Variants in MCFD2 observed in about 807,000 individuals in gnomAD.
MCFD2 encodes multiple coagulation factor deficiency 2, ER cargo receptor complex subunit.
Under a neutral mutation model 12.8 loss-of-function variants are expected in MCFD2, and 11 were observed. That is an observed-to-expected ratio of 0.86 (90% CI 0.54 to 1.42). The LOEUF is 1.42. Among genes scored for constraint, MCFD2 ranks in the 40% most tolerant of loss-of-function variants. The pLI, the probability that MCFD2 is intolerant of heterozygous loss-of-function variation, is 0.00. For synonymous variants in MCFD2, 70 were observed against 68.1 expected, an observed-to-expected ratio of 1.03 and a Z score of -0.14; for missense variants, 191 against 178.6, an observed-to-expected ratio of 1.07 and a Z score of -0.40.
chr2:46,927,884 GTTTTTTTTTT>G (rs566447236), intron 1 of MCFD2, among the ~76,000 whole-genome samples: 2 of 73,306 alleles, frequency 2.7e-5, no homozygotes, highest in South Asian at 4.6e-4. Context: ...TTTTTTTGGT[GTTTTTTTTTT>G]TTTTTTTTTT....
chr2:46,939,323 G>A (rs1022472427), intron 1 of MCFD2, among the ~76,000 whole-genome samples: 1 of 152,104 alleles, frequency 6.6e-6, no homozygotes, highest in East Asian at 1.9e-4. Context: ...GGGAGGCCAA[G>A]GTGGGTTCTT....
In MCFD2 at chr2:46,941,394, C is replaced by T; in HGVS notation, c.-8+178G>A. 3 of 711,162 alleles carry T rather than the reference C, an allele frequency of 4.2e-6. No individual in the cohort carries two copies. Among genetic ancestry groups the T allele is most frequent in the Non-Finnish European group, 5.6e-6 (3 of 536,508 alleles). The allele number at this position is 711,162 out of a possible 1,614,324, so 44.1% of individuals were successfully genotyped here. A position where few individuals can be genotyped will look rare whatever the true frequency, so the allele number is the denominator to read the frequency against. ...GCTGCTGCTGCTGCTGCCCACCCTC[C>T]GCCGCCCGGGCCCCCGCTGCCGCCC... On this transcript the variant is annotated intron_variant, in intron 1 of 2. Transcript: ENST00000409147. The surrounding 1 kb of genome is among the most constrained non-coding windows in gnomAD (Gnocchi z 4.2).
chr2:46,935,219 G>A (rs937196308), intron 1 of MCFD2, among the ~76,000 whole-genome samples: 3 of 152,120 alleles, frequency 2.0e-5, no homozygotes, highest in African/African-American at 7.2e-5. Context: ...TCAGGCGTGT[G>A]TGGAGGAACA....
At chr2:46,927,546 G>A (rs1669454269) in intron 1 of MCFD2, among the ~76,000 whole-genome samples, 1 of 151,790 alleles carries the variant, frequency 6.6e-6, no homozygotes, top group Non-Finnish European at 1.5e-5. Context: ...GTTTTTAGTG[G>A]AGACAGGGTT....
rs564570742 is a variant in MCFD2, at chr2:46,902,812, G to T, written c.*2651C>A. 7.2e-5 allele frequency: 11 copies of T among 152,342 alleles called. No individual in the cohort carries two copies. Among genetic ancestry groups the T allele is most frequent in the African/African-American group, 2.6e-4 (11 of 41,576 alleles). 9.4% of individuals were successfully genotyped at this position (152,342 alleles called of 1,614,324 possible). A position where few individuals can be genotyped will look rare whatever the true frequency, so the allele number is the denominator to read the frequency against. On this transcript the variant is annotated 3_prime_UTR_variant, in exon 4 of 4. Transcript: ENST00000319466. ...AGAATACTGACCATGTTTGCCTGAA[G>T]AGATAGGAACCACCAGGGCAAACAT...
Position 46,915,797 on chromosome 2 carries a change from C to T in MCFD2, c.-81G>A. On this transcript the variant is annotated 5_prime_UTR_variant, in exon 1 of 4. Transcript: ENST00000319466. ...AGCCCCCGTCCCCAAAACGCTCTTC[C>T]TCGGCTTCGCCCCGCCCCCCCCCCC... 1 of 770,500 alleles carries T rather than the reference C, an allele frequency of 1.3e-6. No individual in the cohort carries two copies. The highest frequency in any genetic ancestry group is 1.5e-6 in the Non-Finnish European group (1 of 659,094). 47.7% of individuals were successfully genotyped at this position (770,500 alleles called of 1,614,324 possible). A position where few individuals can be genotyped will look rare whatever the true frequency, so the allele number is the denominator to read the frequency against.
chr2:46,916,630 TTTTTG>T (rs530169962), upstream of MCFD2: 21 of 157,174 alleles, frequency 1.3e-4, no homozygotes, highest in African/African-American at 1.9e-4. Flanking sequence ...TCGTTTTGTT[TTTTTG>T]TTTTGTTTTG....
intron 1 of MCFD2, among the ~76,000 whole-genome samples, chr2:46,922,040 AT>A (rs1307441522): frequency 1.3e-5 from 2 of 152,094 alleles, no homozygotes; most frequent in African/African-American, 2.4e-5. Context: ...AAGTTTTTGG[AT>A]TTTTTTGGTT....
rs753793027 is a variant in MCFD2, at chr2:46,909,145, G to T, written c.27C>A (p.Thr9=). The part of the protein sequence containing the change: MTMRSLLR[T]PFLCGLLWAF... ...CCCAGAGCAGGCCACACAGGAAGGGGGTTCTGAGCAGGGATCTCATGGTCA... is the reference window on the plus strand; with the variant it reads ...CCCAGAGCAGGCCACACAGGAAGGGTGTTCTGAGCAGGGATCTCATGGTCA... The change falls in exon 2 of 4, where the codon ACC becomes ACA. Residue 9 remains threonine (T), a synonymous_variant. Transcript: ENST00000319466. 1.2e-6 allele frequency: 2 copies of T among 1,614,072 alleles called. No homozygotes were observed. Among genetic ancestry groups the T allele is most frequent in the African/African-American group, 2.7e-5 (2 of 74,940 alleles).
At position 46,915,793 on chromosome 2, in the gene MCFD2, C is replaced by G; in HGVS notation, c.-77G>C. ...CACCAGCCCCCGTCCCCAAAACGCT[C>G]TTCCTCGGCTTCGCCCCGCCCCCCC... On this transcript the variant is annotated 5_prime_UTR_variant, in exon 1 of 4. Coordinates refer to ENST00000319466, the MANE Select transcript of MCFD2 (RefSeq NM_139279.6). 2 of 873,326 alleles carry G rather than the reference C, an allele frequency of 2.3e-6. No homozygotes were observed. Among genetic ancestry groups the G allele is most frequent in the Non-Finnish European group, 2.7e-6 (2 of 746,688 alleles). 54.1% of individuals were successfully genotyped at this position (873,326 alleles called of 1,614,324 possible).
At chr2:46,932,525 T>C (rs1669759055) in intron 1 of MCFD2, among the ~76,000 whole-genome samples, 1 of 152,246 alleles carries the variant, frequency 6.6e-6, no homozygotes, top group Middle Eastern at 3.4e-3. Flanking sequence ...GCACTTTCTT[T>C]TGTGTTATTT....
Position 46,941,446 on chromosome 2 carries a change from G to C in MCFD2, c.-8+126C>G. 7.3e-7 allele frequency: 1 copy of C among 1,364,442 alleles called. No individual in the cohort carries two copies. Among genetic ancestry groups the C allele is most frequent in the South Asian group, 1.6e-5 (1 of 60,674 alleles). The allele number at this position is 1,364,442 out of a possible 1,614,324, so 84.5% of individuals were successfully genotyped here. A position where few individuals can be genotyped will look rare whatever the true frequency, so the allele number is the denominator to read the frequency against. ...GGCCCCGGCTGCCGTCTGCGCCCCC[G>C]TCGACCCCGCCCGCGAGTGCGCCCC... On this transcript the variant is annotated intron_variant, in intron 1 of 2. Transcript: ENST00000409147. The surrounding 1 kb of genome is among the most constrained non-coding windows in gnomAD (Gnocchi z 4.2).
At position 46,902,249 on chromosome 2, in the gene MCFD2, A is replaced by T. The variant is rs1380256765; in HGVS notation, c.*3214T>A. On this transcript the variant is annotated 3_prime_UTR_variant, in exon 4 of 4. Transcript: ENST00000319466. ...TCCTTTTCTAATCTTTCCTGATTTGAAAAGAATCCATGTATCTAGGCTAAA... is the reference window on the plus strand; with the variant it reads ...TCCTTTTCTAATCTTTCCTGATTTGTAAAGAATCCATGTATCTAGGCTAAA... The T allele has an allele frequency of 1.3e-5, 2 of 152,644 alleles. No individual in the cohort carries two copies. Among genetic ancestry groups the T allele is most frequent in the African/African-American group, 4.8e-5 (2 of 41,460 alleles). 9.5% of individuals were successfully genotyped at this position (152,644 alleles called of 1,614,324 possible).
chr2:46,920,039 T>C (rs1302982227), upstream of MCFD2, among the ~76,000 whole-genome samples: 1 of 152,192 alleles, frequency 6.6e-6, no homozygotes, highest in Non-Finnish European at 1.5e-5. Context: ...TACTATAAAC[T>C]GGGGTGGTGA....
chr2:46,938,877 G>T (rs956933941), intron 1 of MCFD2, among the ~76,000 whole-genome samples: 2 of 152,026 alleles, frequency 1.3e-5, no homozygotes, highest in Non-Finnish European at 2.9e-5. Context: ...TGAGCATGGT[G>T]GTGCACGCCT....
Position 46,941,842 on chromosome 2 carries a change from C to G in MCFD2, c.-278G>C, listed in dbSNP as rs543332567. 2.9e-5 allele frequency: 39 copies of G among 1,359,422 alleles called. No homozygotes were observed. The East Asian group carries it at 7.6e-4, about 26-fold the overall frequency. 84.2% of individuals were successfully genotyped at this position (1,359,422 alleles called of 1,614,324 possible). A position where few individuals can be genotyped will look rare whatever the true frequency, so the allele number is the denominator to read the frequency against. ...AGCGGGCGCCTGCCAGCCCACCGTGCTAGTCTTAAGAGCAGCCAGGGCAGT... is the reference window on the plus strand; with the variant it reads ...AGCGGGCGCCTGCCAGCCCACCGTGGTAGTCTTAAGAGCAGCCAGGGCAGT... On this transcript the variant is annotated 5_prime_UTR_variant, in exon 1 of 3. Transcript: ENST00000409147. The surrounding 1 kb of genome is among the most constrained non-coding windows in gnomAD (Gnocchi z 4.2).
upstream of MCFD2, among the ~76,000 whole-genome samples, chr2:46,918,694 T>C (rs916903232): frequency 1.3e-5 from 2 of 152,254 alleles, no homozygotes; most frequent in Admixed American, 6.5e-5. Context: ...TGTCACTTGC[T>C]GGACCTTGGA....
rs1670227045 is a variant in MCFD2 at position 46,940,386 on chromosome 2, C to A, written c.-8+1186G>T. 6.6e-6 allele frequency among the ~76,000 whole-genome samples: 1 copy of A among 152,160 alleles called. No individual in the cohort carries two copies. The highest frequency in any genetic ancestry group is 1.5e-5 in the Non-Finnish European group (1 of 68,024). On this transcript the variant is annotated intron_variant, in intron 1 of 2. Transcript: ENST00000409147. The surrounding 1 kb of genome is among the most constrained non-coding windows in gnomAD (Gnocchi z 4.7). ...GGCTTCTCCAGCACTGGTCTGTGAG[C>A]TGCGGCGGCAGCGGGGCCGGGCCCC...
At chr2:46,935,113 C>G (rs1669910114) in intron 1 of MCFD2, among the ~76,000 whole-genome samples, 1 of 152,036 alleles carries the variant, frequency 6.6e-6, no homozygotes, top group African/African-American at 2.4e-5. Context: ...GACTACTGGT[C>G]TTTAAGGCCT....
Sources: allele counts gnomAD v4.1 joint callset (sites outside exome capture counted in the v4.1 genomes callset), GRCh38; gene constraint gnomAD v4.1.1; non-coding constraint Gnocchi (gnomAD v3.1); transcripts MANE v1.5; gene names NCBI Gene and HGNC (gene_info 2026-07-23, HGNC 2026-07-21).